Variants in MECOM observed in about 807,000 individuals in gnomAD.
The protein encoded by MECOM is MDS1 and EVI1 complex locus.
Under a neutral mutation model 116.3 loss-of-function variants are expected in MECOM, and 13 were observed. The ratio of observed to expected loss-of-function variants is 0.11; its 90% CI spans 0.07 to 0.18. The LOEUF is 0.18. Among genes scored for constraint, MECOM ranks in the 10% least tolerant of loss-of-function variants. The pLI, the probability that MECOM is intolerant of heterozygous loss-of-function variation, is 1.00. For synonymous variants in MECOM, 528 were observed against 535.2 expected, an observed-to-expected ratio of 0.99 and a Z score of 0.19; for missense variants, 1,299 against 1,509.0, an observed-to-expected ratio of 0.86 and a Z score of 2.31.
intron 1 of MECOM, among the ~76,000 whole-genome samples, chr3:169,472,482 G>GGAAAT (rs1316553508): frequency 2.5e-4 from 13 of 52,256 alleles, no homozygotes. Flanking sequence ...GGAAAGGAAA[G>GGAAAT]GAAAGGAAAG....
At chr3:169,234,105 A>G (rs953687582) in intron 2 of MECOM, among the ~76,000 whole-genome samples, 6 of 152,116 alleles carry the variant, frequency 3.9e-5, no homozygotes, top group Non-Finnish European at 7.4e-5. Context: ...TTTATGGTAT[A>G]ATTTTATTCA....
At chr3:169,147,039 G>A in intron 2 of MECOM, 1 of 991,308 alleles carries the variant, frequency 1.0e-6, no homozygotes. Context: ...TGGGTGACCC[G>A]GGTTTGGTGT....
chr3:169,232,383 C>CA, intron 2 of MECOM, among the ~76,000 whole-genome samples: 1 of 150,902 alleles, frequency 6.6e-6, no homozygotes, highest in Non-Finnish European at 1.5e-5. Flanking sequence ...AAGCAAACCA[C>CA]AAAAAAAGCT....
At chr3:169,120,496 T>C (rs1730648756) in intron 7 of MECOM, among the ~76,000 whole-genome samples, 1 of 152,188 alleles carries the variant, frequency 6.6e-6, no homozygotes, top group South Asian at 2.1e-4. Flanking sequence ...GTTCTGCTTT[T>C]CTTCAAGTAA....
At chr3:169,600,279 A>C (rs957872116) in intron 1 of MECOM, among the ~76,000 whole-genome samples, 2 of 152,188 alleles carry the variant, frequency 1.3e-5, no homozygotes, top group Non-Finnish European at 1.5e-5. Context: ...GCCATTACTT[A>C]TAAATTTTTT....
chr3:169,576,182 C>T (rs991251898), intron 1 of MECOM, among the ~76,000 whole-genome samples: 2 of 152,150 alleles, frequency 1.3e-5, no homozygotes, highest in Non-Finnish European at 2.9e-5. Flanking sequence ...TTTCCCCAGG[C>T]ACCAGAAGAA....
chr3:169,116,131 C>CAGT lies in MECOM; in HGVS notation c.1740_1741insACT (p.Ser580_Asp581insThr). 1 of 1,614,148 alleles carries CAGT rather than the reference C, an allele frequency of 6.2e-7. No individual in the cohort carries two copies. Among genetic ancestry groups the CAGT allele is most frequent in the Non-Finnish European group, 8.5e-7 (1 of 1,180,030 alleles). On this transcript the variant is annotated inframe_insertion, in exon 8 of 17. Coordinates refer to ENST00000651503, the MANE Select transcript of MECOM (RefSeq NM_004991.4). ...CTTGGTGTACTGACATCATCAAGGTCACTACTCTCTGACTGGTCACTGATT... is the reference window on the plus strand; with the variant it reads ...CTTGGTGTACTGACATCATCAAGGTCAGTACTACTCTCTGACTGGTCACTGATT...
In MECOM at chr3:169,587,674, G is replaced by A. The variant is rs9883333; in HGVS notation, c.37+75662C>T. ...CTAGAACCTATAAAATATTTAGGAG[G>A]AACCTGGTAAGGACAAAAGATAGTT... On this transcript the variant is annotated intron_variant, in intron 1 of 16. Transcript: ENST00000651503. Among the ~76,000 whole-genome samples the A allele has an allele frequency of 5.8e-3, 883 of 152,218 alleles. 9 individuals are homozygous for A. The highest frequency in any genetic ancestry group is 0.02 in the African/African-American group (823 of 41,544).
At chr3:169,206,488 A>G (rs955429322) in intron 2 of MECOM, among the ~76,000 whole-genome samples, 8 of 152,194 alleles carry the variant, frequency 5.3e-5, no homozygotes, top group African/African-American at 1.7e-4. Flanking sequence ...ATGGTGGCTC[A>G]TGCCTGTAAT....
intron 2 of MECOM, among the ~76,000 whole-genome samples, chr3:169,200,814 T>G (rs995350049): frequency 2.0e-5 from 3 of 152,044 alleles, no homozygotes. Context: ...CATTGTTCTG[T>G]CCTCCCTCTA....
chr3:169,180,696 A>G (rs1745829083), intron 2 of MECOM, among the ~76,000 whole-genome samples: 1 of 150,844 alleles, frequency 6.6e-6, no homozygotes, highest in Non-Finnish European at 1.5e-5. Context: ...CATTTTGACC[A>G]CAGACTTGCA....
intron 1 of MECOM, among the ~76,000 whole-genome samples, chr3:169,553,163 A>G (rs1363579638): frequency 2.0e-5 from 3 of 152,120 alleles, no homozygotes; most frequent in Non-Finnish European, 4.4e-5. Context: ...CAATTTCATG[A>G]TATCTCATTC....
At chr3:169,202,227 A>T (rs1438626117) in intron 2 of MECOM, among the ~76,000 whole-genome samples, 1 of 152,198 alleles carries the variant, frequency 6.6e-6, no homozygotes, top group African/African-American at 2.4e-5. Context: ...ACCTTTTTAA[A>T]AAATGGTTGG....
At chr3:169,552,490 T>C (rs1761528797) in intron 1 of MECOM, among the ~76,000 whole-genome samples, 1 of 152,198 alleles carries the variant, frequency 6.6e-6, no homozygotes, top group South Asian at 2.1e-4. Context: ...TATTAACTCC[T>C]AAAAGAGTTA....
In MECOM at chr3:169,199,582, T is replaced by G. The variant is rs1439267718; in HGVS notation, c.376-55750A>C. Among the ~76,000 whole-genome samples, 4 of 152,012 alleles carry G rather than the reference T, an allele frequency of 2.6e-5. No homozygotes were observed. In the East Asian group the frequency reaches 5.8e-4, roughly 22 times the overall value. ...GTGTGAGGCACAAAACCTGGCTTCA[T>G]TTTTCTTTCTGGTTTCAAAGCATTA... On this transcript the variant is annotated intron_variant, in intron 2 of 16. Coordinates refer to ENST00000651503, the MANE Select transcript of MECOM (RefSeq NM_004991.4).
At chr3:169,658,714 C>T (rs185472472) in intron 1 of MECOM, among the ~76,000 whole-genome samples, 1 of 152,178 alleles carries the variant, frequency 6.6e-6, no homozygotes, top group East Asian at 1.9e-4. Flanking sequence ...CAGCACCAGA[C>T]GGTTTTGAGA....
At chr3:169,350,761 G>A (rs375846489) in intron 2 of MECOM, among the ~76,000 whole-genome samples, 5 of 150,956 alleles carry the variant, frequency 3.3e-5, no homozygotes, top group South Asian at 2.1e-4. Context: ...TATCTCTATC[G>A]GATGGTAAAG....
At chr3:169,107,279 T>G (rs1349130102) in intron 10 of MECOM, among the ~76,000 whole-genome samples, 1 of 152,182 alleles carries the variant, frequency 6.6e-6, no homozygotes, top group Non-Finnish European at 1.5e-5. Context: ...TAAGCAGTAT[T>G]CTTTGTATCC....
intron 9 of MECOM, among the ~76,000 whole-genome samples, chr3:169,109,539 C>A (rs1196385907): frequency 2.0e-5 from 3 of 152,032 alleles, no homozygotes; most frequent in African/African-American, 7.2e-5. Flanking sequence ...CTCAGCCTCC[C>A]AAGTAGCTGG....
Sources: gnomAD v4.1 joint callset for allele counts (sites outside exome capture counted in the v4.1 genomes callset) on GRCh38, gnomAD v4.1.1 for gene constraint, MANE v1.5 for transcripts, NCBI Gene and HGNC (gene_info 2026-07-23, HGNC 2026-07-21) for gene names.